The following GPC6 variants were observed in gnomAD, a reference collection of about 807,000 sequenced individuals.
The protein encoded by GPC6 is glypican-6.
Under a neutral mutation model 55.2 loss-of-function variants are expected in GPC6, and 14 were observed. The observed-to-expected ratio is 0.25, with a 90% CI of 0.17 to 0.40. The LOEUF is 0.40. Ranked by LOEUF, GPC6 falls within the 10% of genes least tolerant of loss-of-function variation. The pLI, the probability that GPC6 is intolerant of heterozygous loss-of-function variation, is 1.00. For missense variants in GPC6, 641 were observed against 708.5 expected (o/e 0.90, Z 1.08); for synonymous variants, 278 against 259.6 (o/e 1.07, Z -0.68).
chr13:94,222,020 T>G (rs1474815277), intron 4 of GPC6, among the ~76,000 whole-genome samples: 1 of 152,010 alleles, frequency 6.6e-6, no homozygotes, highest in Non-Finnish European at 1.5e-5. Context: ...GTTTTTTTTT[T>G]GTTTTTTCTA....
At chr13:94,242,280 T>A (rs1410291421) in intron 4 of GPC6, among the ~76,000 whole-genome samples, 4 of 152,148 alleles carry the variant, frequency 2.6e-5, no homozygotes, top group South Asian at 4.1e-4. Flanking sequence ...ATAGGAACAC[T>A]TTTACACTGT....
chr13:93,782,783 A>C (rs976384417), intron 2 of GPC6, among the ~76,000 whole-genome samples: 1 of 152,052 alleles, frequency 6.6e-6, no homozygotes, highest in African/African-American at 2.4e-5. Flanking sequence ...AATTATATAT[A>C]TACATATATA....
chr13:94,250,388 C>A (rs1429734566), intron 4 of GPC6, among the ~76,000 whole-genome samples: 1 of 152,078 alleles, frequency 6.6e-6, no homozygotes, highest in East Asian at 1.9e-4. Context: ...ACATTTATTT[C>A]ACACCATGTG....
chr13:94,122,193 A>T lies in GPC6; in HGVS notation c.877+94299A>T, dbSNP rs921558466. Among the ~76,000 whole-genome samples the T allele has an allele frequency of 2.5e-4, 38 of 152,162 alleles. 1 individual carries two copies. The highest frequency in any genetic ancestry group is 6.7e-4 in the African/African-American group (28 of 41,534). On this transcript the variant is annotated intron_variant, in intron 4 of 8. Coordinates refer to ENST00000377047, the MANE Select transcript of GPC6 (RefSeq NM_005708.5). ...AAAAATGAAAGCCACAATTTTTTTT[A>T]AAATATAGAGAATACACCTGATTTT...
intron 1 of GPC6, among the ~76,000 whole-genome samples, chr13:93,452,990 T>C (rs1371415775): frequency 2.0e-5 from 3 of 152,240 alleles, no homozygotes; most frequent in African/African-American, 4.8e-5. Context: ...TGAATTAGCT[T>C]TGTAAGCTTA....
At chr13:93,639,188 G>C (rs1292065740) in intron 2 of GPC6, among the ~76,000 whole-genome samples, 1 of 152,074 alleles carries the variant, frequency 6.6e-6, no homozygotes, top group Non-Finnish European at 1.5e-5. Context: ...TTTAAAAATG[G>C]ATGCTCAGGG....
intron 3 of GPC6, among the ~76,000 whole-genome samples, chr13:93,991,620 A>T (rs917615967): frequency 1.3e-5 from 2 of 152,146 alleles, no homozygotes; most frequent in Admixed American, 6.6e-5. Flanking sequence ...AGTGGTAGTC[A>T]TGTTTTAGGG....
chr13:94,365,533 A>G (rs1395994935), intron 6 of GPC6, among the ~76,000 whole-genome samples: 1 of 152,224 alleles, frequency 6.6e-6, no homozygotes, highest in Non-Finnish European at 1.5e-5. Context: ...ATCAAATCAT[A>G]TATGCCCAAA....
chr13:93,884,004 A>G (rs1875162023), intron 3 of GPC6, among the ~76,000 whole-genome samples: 1 of 152,126 alleles, frequency 6.6e-6, no homozygotes, highest in Admixed American at 6.6e-5. Flanking sequence ...AACAAAAGAC[A>G]CCGAAGTTTT....
At chr13:94,266,439 A>G (rs1891820049) in intron 4 of GPC6, among the ~76,000 whole-genome samples, 1 of 152,146 alleles carries the variant, frequency 6.6e-6, no homozygotes, top group Admixed American at 6.5e-5. Flanking sequence ...AAGTGCTGGG[A>G]TTACAGGCGT....
chr13:93,893,659 C>T (rs1451471107), intron 3 of GPC6, among the ~76,000 whole-genome samples: 1 of 152,150 alleles, frequency 6.6e-6, no homozygotes, highest in Non-Finnish European at 1.5e-5. Flanking sequence ...TACACATTAT[C>T]AAATGCCATG....
intron 2 of GPC6, among the ~76,000 whole-genome samples, chr13:93,572,346 C>A (rs938396541): frequency 6.6e-6 from 1 of 152,006 alleles, no homozygotes; most frequent in African/African-American, 2.4e-5. Flanking sequence ...ATGTAGGGGA[C>A]GCTTGGGGAT....
At chr13:94,168,885 G>C (rs761775593) in intron 4 of GPC6, among the ~76,000 whole-genome samples, 1 of 151,986 alleles carries the variant, frequency 6.6e-6, no homozygotes, top group African/African-American at 2.4e-5. Flanking sequence ...AGTAGGCCCT[G>C]GTGAAGACTG....
At chr13:93,622,504 A>G (rs1050962220) in intron 2 of GPC6, among the ~76,000 whole-genome samples, 6 of 48,192 alleles carry the variant, frequency 1.2e-4, no homozygotes, top group African/African-American at 3.4e-4. Flanking sequence ...TCAAGCATAT[A>G]CACACCCACA....
At chr13:93,681,394 C>A (rs934506703) in intron 2 of GPC6, among the ~76,000 whole-genome samples, 1 of 151,984 alleles carries the variant, frequency 6.6e-6, no homozygotes, top group African/African-American at 2.4e-5. Context: ...TGCTGATATG[C>A]AATTTAATTG....
intron 4 of GPC6, among the ~76,000 whole-genome samples, chr13:94,124,965 A>G (rs951914342): frequency 6.6e-6 from 1 of 152,106 alleles, no homozygotes; most frequent in African/African-American, 2.4e-5. Context: ...AAAACAAGCA[A>G]GCAAACAAAT....
chr13:94,133,691 A>G (rs905019806), intron 4 of GPC6, among the ~76,000 whole-genome samples: 1 of 151,908 alleles, frequency 6.6e-6, no homozygotes, highest in Non-Finnish European at 1.5e-5. Context: ...TGAATTTAGT[A>G]TGCCTAAAAA....
In GPC6 at chr13:94,132,592, A is replaced by G. The variant is rs115239023; in HGVS notation, c.877+104698A>G. ...AAAATATGGGCCAAATAATAGTACA[A>G]CATTCCCTCCCCAGCCTCCTGGGTC... is the stretch of plus-strand genomic sequence containing the variant. On this transcript the variant is annotated intron_variant, in intron 4 of 8. Transcript: ENST00000377047. Among the ~76,000 whole-genome samples the G allele has an allele frequency of 7.0e-3, 1,071 of 152,242 alleles. 17 individuals are homozygous for G. The highest frequency in any genetic ancestry group is 0.025 in the African/African-American group (1,042 of 41,544).
At chr13:93,936,718 G>C (rs1878454210) in intron 3 of GPC6, among the ~76,000 whole-genome samples, 1 of 152,106 alleles carries the variant, frequency 6.6e-6, no homozygotes, top group African/African-American at 2.4e-5. Context: ...AACTCAGTAG[G>C]GAAACTCGTA....
Sources: allele counts gnomAD v4.1 joint callset (sites outside exome capture counted in the v4.1 genomes callset), GRCh38; gene constraint gnomAD v4.1.1; transcripts MANE v1.5; gene names NCBI Gene and HGNC (gene_info 2026-07-23, HGNC 2026-07-21).